The following TTF2 variants were observed in gnomAD, a reference collection of about 807,000 sequenced individuals.
TTF2 encodes the protein transcription termination factor 2, also known as RNA polymerase II termination factor.
TTF2 carries 108 observed loss-of-function variants against 142.4 expected under a neutral mutation model. That is an observed-to-expected ratio of 0.76 (90% CI 0.65 to 0.89). TTF2 has a LOEUF of 0.89. Among genes scored for constraint, TTF2 ranks in the 40% least tolerant of loss-of-function variants. The probability of loss-of-function intolerance (pLI) is 0.00; values close to 1 mark genes in which losing one functional copy is unlikely to be tolerated. For missense variants in TTF2, 1,327 were observed against 1,379.8 expected, an observed-to-expected ratio of 0.96 and a Z score of 0.61; for synonymous variants, 483 against 506.2, an observed-to-expected ratio of 0.95 and a Z score of 0.61.
rs1339913866 is a variant in TTF2, at chr1:117,085,783, G to A, written c.2055-634G>A. ...TTTATTGAAGTTCTCACAATATTAA[G>A]CTTCACTGGAAAAAGATTTGTGTTT... is the stretch of plus-strand genomic sequence containing the variant. On this transcript the variant is annotated intron_variant, in intron 11 of 22. Transcript: ENST00000369466. The surrounding 1 kb of genome is among the most constrained non-coding windows in gnomAD (Gnocchi z 4.7). 6.6e-6 allele frequency among the ~76,000 whole-genome samples: 1 copy of A among 151,774 alleles called. No homozygotes were observed. Among genetic ancestry groups the A allele is most frequent in the Non-Finnish European group, 1.5e-5 (1 of 67,956 alleles).
At chr1:117,071,564 A>G (rs1228750402) in intron 3 of TTF2, among the ~76,000 whole-genome samples, 1 of 152,208 alleles carries the variant, frequency 6.6e-6, no homozygotes, top group Non-Finnish European at 1.5e-5. Context: ...CAGATAGGGT[A>G]TGAGGGGGCT....
At position 117,075,458 on chromosome 1, in the gene TTF2, G is replaced by T; in HGVS notation, c.874G>T (p.Glu292Ter). Residue 292 changes from glutamate to a stop codon, truncating the protein, a stop_gained, in exon 5 of 23, where the codon GAA becomes TAA. Coordinates refer to ENST00000369466, the MANE Select transcript of TTF2 (RefSeq NM_003594.4). LOFTEE classifies it high-confidence loss of function. The surrounding 1 kb of genome is among the most constrained non-coding windows in gnomAD (Gnocchi z 4.5). ...NKEYTNWEAKETKAKDGPSIQ... is the reference protein window; with the variant it reads ...NKEYTNWEAK ...GGAGTACACGAACTGGGAGGCTAAA[G>T]AAACAAAGGCAAAGGATGGCCCTAG... is the stretch of plus-strand genomic sequence containing the variant. 6.2e-7 allele frequency: 1 copy of T among 1,614,138 alleles called. No homozygotes were observed. Among genetic ancestry groups the T allele is most frequent in the African/African-American group, 1.3e-5 (1 of 75,048 alleles).
chr1:117,079,388 G>A lies in TTF2; in HGVS notation c.1702-180G>A, dbSNP rs978114139. ...CCCAAAACAAACAGGGGCAGACCAG[G>A]ACAGTATGGTTACCCTTGAGAGAGG... On this transcript the variant is annotated intron_variant, in intron 8 of 22. Transcript: ENST00000369466. This position sits in a 1 kb window ranked among gnomAD's most constrained non-coding sequence, Gnocchi z 4.2. 4.6e-5 allele frequency among the ~76,000 whole-genome samples: 7 copies of A among 152,206 alleles called. No individual in the cohort carries two copies. Among genetic ancestry groups the A allele is most frequent in the Admixed American group, 4.6e-4 (7 of 15,290 alleles).
chr1:117,080,043 C>T lies in TTF2; in HGVS notation c.1783+394C>T, dbSNP rs1258614722. Among the ~76,000 whole-genome samples the T allele has an allele frequency of 6.8e-6, 1 of 146,802 alleles. No individual in the cohort carries two copies. Among genetic ancestry groups the T allele is most frequent in the Non-Finnish European group, 1.5e-5 (1 of 67,162 alleles). On this transcript the variant is annotated intron_variant, in intron 9 of 22. Transcript: ENST00000369466. The surrounding 1 kb of genome is among the most constrained non-coding windows in gnomAD (Gnocchi z 4.3). Reference sequence around the variant, plus strand: ...TTTTTTTTTGAGATGGAGTTTCGCTCTTGTCACCCAGGCTGGAGTGCTGTG... The same window carrying T: ...TTTTTTTTTGAGATGGAGTTTCGCTTTTGTCACCCAGGCTGGAGTGCTGTG...
rs1166322208 is a variant in TTF2, at chr1:117,070,185, C to T, written c.219-3476C>T. 2.0e-5 allele frequency among the ~76,000 whole-genome samples: 3 copies of T among 152,322 alleles called. No homozygotes were observed. The East Asian group carries it at 5.8e-4, about 29-fold the overall frequency. On this transcript the variant is annotated intron_variant, in intron 3 of 22. Transcript: ENST00000369466. This position sits in a 1 kb window ranked among gnomAD's most constrained non-coding sequence, Gnocchi z 4.2. ...TTAGTTCTGCAAATCTTGCCCTTCT[C>T]CTGAAAGTCTACATGGCATGAGTTT... is the stretch of plus-strand genomic sequence containing the variant.
At chr1:117,072,425 T>C (rs1409188794) in intron 3 of TTF2, among the ~76,000 whole-genome samples, 1 of 144,116 alleles carries the variant, frequency 6.9e-6, no homozygotes, top group Non-Finnish European at 1.5e-5. Context: ...ATACGGACTT[T>C]TTTTTTTTTT....
Position 117,073,403 on chromosome 1 carries a change from C to T in TTF2, c.219-258C>T, listed in dbSNP as rs903560386. Among the ~76,000 whole-genome samples the T allele has an allele frequency of 6.6e-5, 10 of 152,092 alleles. No individual in the cohort carries two copies. Among genetic ancestry groups the T allele is most frequent in the Admixed American group, 4.6e-4 (7 of 15,268 alleles). On this transcript the variant is annotated intron_variant, in intron 3 of 22. Transcript: ENST00000369466. This position sits in a 1 kb window ranked among gnomAD's most constrained non-coding sequence, Gnocchi z 4.4. ...GATCAGTGTTTCTATTTCAGTCATT[C>T]GTTACAGACTAAAAAGAATAAACCT...
At position 117,092,114 on chromosome 1, in the gene TTF2, T is replaced by C. The variant is rs1648651526; in HGVS notation, c.2805+164T>C. Among the ~76,000 whole-genome samples the C allele has an allele frequency of 6.6e-6, 1 of 152,210 alleles. No homozygotes were observed. Among genetic ancestry groups the C allele is most frequent in the South Asian group, 2.1e-4 (1 of 4,828 alleles). On this transcript the variant is annotated intron_variant, in intron 17 of 22. Coordinates refer to ENST00000369466, the MANE Select transcript of TTF2 (RefSeq NM_003594.4). The surrounding 1 kb of genome is among the most constrained non-coding windows in gnomAD (Gnocchi z 4.4). The stretch of plus-strand genomic sequence containing the variant: ...GGTGGGTTGGAGAAAAGGGGGCTTA[T>C]TTATTTTGCTTTATTTCATATTAAT...
In TTF2 at chr1:117,103,174, C is replaced by T. The variant is rs1649720915; in HGVS notation, c.*1650C>T. 4 of 152,228 alleles carry T rather than the reference C, an allele frequency of 2.6e-5. No individual in the cohort carries two copies. The South Asian group carries it at 6.2e-4, about 24-fold the overall frequency. The allele number at this position is 152,228 out of a possible 1,614,324, so 9.4% of individuals were successfully genotyped here. ...TTTGGCCATCAGCCCTTCTATTAGA[C>T]TAGTGAAGCCTCAGTCCCAGGATGG... On this transcript the variant is annotated 3_prime_UTR_variant, in exon 23 of 23. Transcript: ENST00000369466.
intron 17 of TTF2, 42 bp downstream of exon 17, chr1:117,091,992 G>C: frequency 6.4e-7 from 1 of 1,551,412 alleles, no homozygotes; most frequent in Non-Finnish European, 8.8e-7. Flanking sequence ...GTGCTCCAGA[G>C]GGGCCACCTG....
At position 117,093,845 on chromosome 1, in the gene TTF2, A is replaced by G. The variant is rs1020271327; in HGVS notation, c.2976+944A>G. On this transcript the variant is annotated intron_variant, in intron 18 of 22. Coordinates refer to ENST00000369466, the MANE Select transcript of TTF2 (RefSeq NM_003594.4). The surrounding 1 kb of genome is among the most constrained non-coding windows in gnomAD (Gnocchi z 4.5). ...TCACAAGTTTTCTTAACATATGTCC[A>G]TTAATAGTTCAAACCACATACGGTT... Among the ~76,000 whole-genome samples, 4 of 152,218 alleles carry G rather than the reference A, an allele frequency of 2.6e-5. No homozygotes were observed. The highest frequency in any genetic ancestry group is 4.4e-5 in the Non-Finnish European group (3 of 68,040).
chr1:117,067,467 G>A (rs1656232406), intron 3 of TTF2, among the ~76,000 whole-genome samples: 1 of 144,166 alleles, frequency 6.9e-6, no homozygotes, highest in African/African-American at 2.6e-5. Context: ...GGAGGTTGCA[G>A]TGAGCCAAGA....
chr1:117,095,464 C>T, intron 19 of TTF2, 97 bp downstream of exon 19: 1 of 1,131,292 alleles, frequency 8.8e-7, no homozygotes, highest in Non-Finnish European at 1.3e-6. Context: ...GAGTCATGCT[C>T]AGCAGAAAGC....
At chr1:117,068,896 A>G (rs1490036679) in intron 3 of TTF2, among the ~76,000 whole-genome samples, 7 of 152,162 alleles carry the variant, frequency 4.6e-5, no homozygotes, top group African/African-American at 1.7e-4. Context: ...CCTTTGTGAT[A>G]TGTGTGGTAG....
In TTF2 at chr1:117,092,851, G is replaced by A. The variant is rs750943353; in HGVS notation, c.2926G>A (p.Gly976Ser). 3 of 1,613,972 alleles carry A rather than the reference G, an allele frequency of 1.9e-6. No homozygotes were observed. In the Admixed American group the frequency reaches 5.0e-5, roughly 27 times the overall value. The change falls in exon 18 of 23, where the codon GGC becomes AGC. Residue 976 changes from glycine to serine, a missense_variant. Transcript: ENST00000369466. The surrounding 1 kb of genome is among the most constrained non-coding windows in gnomAD (Gnocchi z 4.4). ...SEPSSTVSLN[G>S]TFFKMELFEG... ...GCCATCTTCCACTGTTTCCCTTAAC[G>A]GCACCTTCTTCAAGATGGAGCTTTT...
In TTF2 at chr1:117,096,154, T is replaced by G. The variant is rs770343656; in HGVS notation, c.3041T>G (p.Ile1014Ser). The change falls in exon 20 of 23, where the codon ATT (isoleucine) becomes AGT (serine). Residue 1014 changes from isoleucine (I) to serine (S), a missense_variant. Physicochemically the swap from Ile to Ser is moderately radical, Grantham distance 142. Coordinates refer to ENST00000369466, the MANE Select transcript of TTF2 (RefSeq NM_003594.4). The part of the protein sequence containing the change: ...QRNSASQKSV[I>S]VSQWTNMLKV... ...TATTTTATTCTTCTTTCCAGTGTCA[T>G]TGTCTCTCAGTGGACCAACATGCTG... The G allele has an allele frequency of 1.2e-6, 2 of 1,614,110 alleles. No homozygotes were observed. Among genetic ancestry groups the G allele is most frequent in the Non-Finnish European group, 1.7e-6 (2 of 1,179,988 alleles).
intron 13 of TTF2, 132 bp downstream of exon 13, chr1:117,089,114 T>C: frequency 1.0e-5 from 9 of 896,854 alleles, no homozygotes; most frequent in Non-Finnish European, 1.4e-5. Flanking sequence ...TGTCAACCTT[T>C]AAAGGACAAA....
At chr1:117,069,168 C>T (rs76876161) in intron 3 of TTF2, among the ~76,000 whole-genome samples, 10 of 152,014 alleles carry the variant, frequency 6.6e-5, no homozygotes, top group Admixed American at 1.3e-4. Flanking sequence ...GGTAGACATT[C>T]GGCTTTATGT....
At chr1:117,072,107 A>G (rs1656623715) in intron 3 of TTF2, among the ~76,000 whole-genome samples, 1 of 152,186 alleles carries the variant, frequency 6.6e-6, no homozygotes, top group South Asian at 2.1e-4. Flanking sequence ...TGCATGGCTT[A>G]GTTCGGCAGT....
Sources: gnomAD v4.1 joint callset for allele counts (sites outside exome capture counted in the v4.1 genomes callset) on GRCh38, gnomAD v4.1.1 for gene constraint, Gnocchi (gnomAD v3.1) non-coding constraint, MANE v1.5 for transcripts, NCBI Gene and HGNC (gene_info 2026-07-23, HGNC 2026-07-21) for gene names.